The following AATK variants were observed in gnomAD, a reference collection of about 807,000 sequenced individuals.
AATK encodes serine/threonine-protein kinase LMTK1.
AATK carries 91 observed loss-of-function variants against 114.3 expected under a neutral mutation model. The ratio of observed to expected loss-of-function variants is 0.80; its 90% confidence interval spans 0.67 to 0.95. The LOEUF (loss-of-function observed/expected upper bound fraction) is 0.95, where lower values mean the gene tolerates loss of function less well. Ranked by LOEUF, AATK falls within the 40% of genes least tolerant of loss-of-function variation. The probability of loss-of-function intolerance (pLI) is 0.00; values close to 1 mark genes in which losing one functional copy is unlikely to be tolerated. For missense variants in AATK, 2,176 were observed against 1,965.2 expected (o/e 1.11, Z -2.03); for synonymous variants, 1,075 against 916.5 (o/e 1.17, Z -3.12).
Position 81,122,216 on chromosome 17 carries a change from T to C in AATK, c.1720A>G (p.Met574Val), listed in dbSNP as rs1431018589. The C allele has an allele frequency of 2.0e-6, 3 of 1,496,824 alleles. No individual in the cohort carries two copies. Among genetic ancestry groups the C allele is most frequent in the African/African-American group, 2.8e-5 (2 of 70,990 alleles). The allele number at this position is 1,496,824 out of a possible 1,614,324, so 92.7% of individuals were successfully genotyped here. ...SDGSTAASLA[M>V]EPLLGHGPPV... ...GGCCCGTGGCCCAGCAGCGGCTCCA[T>C]GGCCAGCGAGGCGGCGGTGCTGCCG... is the stretch of plus-strand genomic sequence containing the variant. Residue 574 changes from methionine (M) to valine (V), a missense_variant, in exon 11 of 14, where the codon ATG becomes GTG. By Grantham distance (21) the Met-to-Val change is conservative. Transcript: ENST00000326724.
Position 81,141,165 on chromosome 17 carries a change from T to C in AATK, c.56-6664A>G, listed in dbSNP as rs146096714. ...ATTGACTATAGCCCATGAAAGTGAC[T>C]TTCGGCCGGGCGCGGTGGCTCACAC... is the stretch of plus-strand genomic sequence containing the variant. On this transcript the variant is annotated intron_variant, in intron 1 of 13. Coordinates refer to ENST00000326724, the MANE Select transcript of AATK (RefSeq NM_001080395.3). Among the ~76,000 whole-genome samples the C allele has an allele frequency of 4.6e-3, 694 of 152,258 alleles. 11 individuals are homozygous for C. Among genetic ancestry groups the C allele is most frequent in the African/African-American group, 0.015 (636 of 41,536 alleles).
chr17:81,120,806 A>T lies in AATK; in HGVS notation c.3130T>A (p.Ser1044Thr), dbSNP rs1166939222. The T allele has an allele frequency of 1.3e-6, 2 of 1,571,760 alleles. No homozygotes were observed. The highest frequency in any genetic ancestry group is 1.7e-6 in the Non-Finnish European group (2 of 1,159,174). ...SEQVCLRPGVSGEAQGSGPGE... is the reference protein window; with the variant it reads ...SEQVCLRPGVTGEAQGSGPGE... ...GGGCCAGAGCCTTGTGCCTCCCCGG[A>T]AACCCCAGGCCTGAGACAGACCTGC... Residue 1044 changes from serine to threonine, a missense_variant, in exon 11 of 14, where the codon TCC becomes ACC. By Grantham distance (58) the Ser-to-Thr change is moderately conservative. Coordinates refer to ENST00000326724, the MANE Select transcript of AATK (RefSeq NM_001080395.3).
At position 81,155,692 on chromosome 17, in the gene AATK, T is replaced by C. The variant is rs113504127; in HGVS notation, c.55+10246A>G. Among the ~76,000 whole-genome samples the C allele has an allele frequency of 8.9e-4, 129 of 144,326 alleles. 2 individuals are homozygous for C. Among genetic ancestry groups the C allele is most frequent in the African/African-American group, 3.1e-3 (111 of 36,082 alleles). The allele number at this position is 144,326 out of a possible 152,430, so 94.7% of individuals were successfully genotyped here. On this transcript the variant is annotated intron_variant, in intron 1 of 13. Transcript: ENST00000326724. Reference sequence around the variant, plus strand: ...AGCCAGCGCGCCCGACCTATAATATTTCTTTTTTTTTTTAATAAGGTCTCA... The same window carrying C: ...AGCCAGCGCGCCCGACCTATAATATCTCTTTTTTTTTTTAATAAGGTCTCA...
At position 81,126,486 on chromosome 17, in the gene AATK, G is replaced by T. The variant is rs1480506966; in HGVS notation, c.696C>A (p.Arg232=). 6.4e-7 allele frequency: 1 copy of T among 1,554,796 alleles called. No homozygotes were observed. The highest frequency in any genetic ancestry group is 8.7e-7 in the Non-Finnish European group (1 of 1,149,346). ...SMAPDPRTLQ[R]MACEVACGVL... Reference sequence around the variant, plus strand: ...CGCCACAGGCCACCTCACAGGCCATGCGCTGCAGGGTCCGGGGGTCGGGAG... The same window carrying T: ...CGCCACAGGCCACCTCACAGGCCATTCGCTGCAGGGTCCGGGGGTCGGGAG... Residue 232 remains arginine (R), a synonymous_variant, in exon 7 of 14, where the codon CGC becomes CGA. Coordinates refer to ENST00000326724, the MANE Select transcript of AATK (RefSeq NM_001080395.3). The surrounding 1 kb of genome is among the most constrained non-coding windows in gnomAD (Gnocchi z 5.1).
Position 81,121,167 on chromosome 17 carries a change from C to T in AATK, c.2769G>A (p.Ser923=), listed in dbSNP as rs757266072. 2.6e-5 allele frequency: 41 copies of T among 1,601,960 alleles called. No homozygotes were observed. The East Asian group carries it at 5.4e-4, about 21-fold the overall frequency. Residue 923 remains serine (S), a synonymous_variant, in exon 11 of 14, where the codon TCG becomes TCA. Transcript: ENST00000326724. The part of the protein sequence containing the change: ...SDGGYEVFSP[S]ATGPSGGQPR... ...GCTGCCCTCCAGAGGGGCCAGTGGC[C>T]GACGGGCTGAAGACCTCATAGCCAC...
intron 1 of AATK, chr17:81,165,570 G>C: frequency 8.2e-7 from 1 of 1,218,212 alleles, no homozygotes; most frequent in Non-Finnish European, 1.1e-6. Flanking sequence ...AGAGGCCATG[G>C]AAAGCCTGAA....
At chr17:81,165,179 A>C (rs1186246230) in intron 1 of AATK, among the ~76,000 whole-genome samples, 1 of 152,184 alleles carries the variant, frequency 6.6e-6, no homozygotes, top group Non-Finnish European at 1.5e-5. Context: ...AGGTTTTAGA[A>C]AGCCCACTGC....
At chr17:81,142,692 G>A (rs2061156202) in intron 1 of AATK, among the ~76,000 whole-genome samples, 1 of 152,154 alleles carries the variant, frequency 6.6e-6, no homozygotes. Context: ...CCCCACAACA[G>A]GCTGCCGGCT....
rs1053228822 is a variant in AATK, at chr17:81,121,979, C to T, written c.1957G>A (p.Ala653Thr). ...LGTSPLGSSG[A>T]PPLPLTGEDE... The stretch of plus-strand genomic sequence containing the variant: ...TCGCCAGTCAGCGGCAGCGGGGGCG[C>T]CCCTGAGCTCCCCAAAGGGGACGTG... Residue 653 changes from alanine (A) to threonine (T), a missense_variant, in exon 11 of 14, where the codon GCG (alanine) becomes ACG (threonine). Coordinates refer to ENST00000326724, the MANE Select transcript of AATK (RefSeq NM_001080395.3). 2 of 1,601,172 alleles carry T rather than the reference C, an allele frequency of 1.2e-6. No homozygotes were observed. The highest frequency in any genetic ancestry group is 2.7e-5 in the African/African-American group (2 of 74,892).
chr17:81,126,296 G>T lies in AATK; in HGVS notation c.755+131C>A. ...CATAAAATCCCTCTGCATAGTGGTT[G>T]TCTGATGCTGCATGAGATGAACCTG... On this transcript the variant is annotated intron_variant, in intron 7 of 13. Coordinates refer to ENST00000326724, the MANE Select transcript of AATK (RefSeq NM_001080395.3). This position sits in a 1 kb window ranked among gnomAD's most constrained non-coding sequence, Gnocchi z 5.1. 8.4e-7 allele frequency: 1 copy of T among 1,191,068 alleles called. No individual in the cohort carries two copies. The highest frequency in any genetic ancestry group is 1.1e-6 in the Non-Finnish European group (1 of 871,548). 73.8% of individuals were successfully genotyped at this position (1,191,068 alleles called of 1,614,324 possible).
intron 1 of AATK, 23 bp downstream of exon 1, chr17:81,165,915 A>G (rs748250098): frequency 2.5e-6 from 4 of 1,568,992 alleles, no homozygotes; most frequent in African/African-American, 1.4e-5. Flanking sequence ...AGCGGCGCGC[A>G]GGCCGGGCCG....
chr17:81,120,066 C>G lies in AATK; in HGVS notation c.3753G>C (p.Glu1251Asp). The G allele has an allele frequency of 1.4e-6, 2 of 1,458,396 alleles. No individual in the cohort carries two copies. The highest frequency in any genetic ancestry group is 2.7e-5 in the South Asian group (2 of 73,372). The allele number at this position is 1,458,396 out of a possible 1,614,324, so 90.3% of individuals were successfully genotyped here. A position where few individuals can be genotyped will look rare whatever the true frequency, so the allele number is the denominator to read the frequency against. ...TGGCGCCCGGGAAGGGCTCCCCGAGCTCCCGGGTGGGGCTTTCCTGGAGGA... is the reference window on the plus strand; with the variant it reads ...TGGCGCCCGGGAAGGGCTCCCCGAGGTCCCGGGTGGGGCTTTCCTGGAGGA... ...YLFDQESPTR[E>D]LGEPFPGAKE... Residue 1251 changes from glutamate to aspartate, a missense_variant, in exon 12 of 14, where the codon GAG (glutamate) becomes GAC (aspartate). Transcript: ENST00000326724.
intron 1 of AATK, among the ~76,000 whole-genome samples, chr17:81,163,970 G>GC (rs897504430): frequency 1.2e-4 from 18 of 152,262 alleles, no homozygotes; most frequent in East Asian, 5.8e-4. Context: ...CCCTCTGGGT[G>GC]CCCCCCCACA....
chr17:81,124,018 C>G (rs2060746657), intron 9 of AATK, among the ~76,000 whole-genome samples: 1 of 152,094 alleles, frequency 6.6e-6, no homozygotes, highest in East Asian at 1.9e-4. Context: ...GAAGGGGCAC[C>G]TTGGTGGAGA....
intron 1 of AATK, among the ~76,000 whole-genome samples, chr17:81,157,161 G>A (rs184333513): frequency 1.3e-5 from 2 of 152,218 alleles, no homozygotes; most frequent in Non-Finnish European, 2.9e-5. Context: ...CACCGCCCCC[G>A]CCAAGAGAGG....
chr17:81,160,879 G>T (rs1020245790), intron 1 of AATK, among the ~76,000 whole-genome samples: 1 of 152,198 alleles, frequency 6.6e-6, no homozygotes, highest in South Asian at 2.1e-4. Flanking sequence ...CACCACATCC[G>T]AGGAGACACC....
At chr17:81,128,436 G>C in intron 4 of AATK, 34 bp downstream of exon 4, 2 of 1,547,610 alleles carry the variant, frequency 1.3e-6, no homozygotes, top group Non-Finnish European at 8.7e-7. Flanking sequence ...CTGCCTCCCA[G>C]GCGGGAGTCC....
chr17:81,138,694 C>G (rs753599446), intron 1 of AATK, among the ~76,000 whole-genome samples: 16 of 151,652 alleles, frequency 1.1e-4, no homozygotes, highest in Non-Finnish European at 2.4e-4. Context: ...CACACACACC[C>G]AAGCACGCAG....
At position 81,120,506 on chromosome 17, in the gene AATK, G is replaced by A. The variant is rs538310773; in HGVS notation, c.3430C>T (p.Arg1144Cys). 40 of 1,491,488 alleles carry A rather than the reference G, an allele frequency of 2.7e-5. No individual in the cohort carries two copies. The East Asian group carries it at 4.9e-4, about 18-fold the overall frequency. 92.4% of individuals were successfully genotyped at this position (1,491,488 alleles called of 1,614,324 possible). A position where few individuals can be genotyped will look rare whatever the true frequency, so the allele number is the denominator to read the frequency against. The change falls in exon 11 of 14, where the codon CGC becomes TGC. Residue 1144 changes from arginine (R) to cysteine (C), a missense_variant. This residue lies in a region of AATK where 1,701 missense variants were observed against 1,394.7 expected (regional missense o/e 1.22). Transcript: ENST00000326724. ...GGPGTPRAPLRLALPGLPAAL... is the reference protein window; with the variant it reads ...GGPGTPRAPLCLALPGLPAAL... ...GCAGGGAGGCCGGGCAGAGCCAGGC[G>A]GAGTGGGGCTCTGGGGGTGCCTGGG...
Sources: allele counts gnomAD v4.1 joint callset (sites outside exome capture counted in the v4.1 genomes callset), GRCh38; gene constraint gnomAD v4.1.1; regional missense constraint gnomAD v4.1.1; non-coding constraint Gnocchi (gnomAD v3.1); transcripts MANE v1.5; gene names NCBI Gene and HGNC (gene_info 2026-07-23, HGNC 2026-07-21).